Variants in ZNF257 observed in about 807,000 individuals in gnomAD.
ZNF257 encodes zinc finger protein 257.
Under a neutral mutation model 11.9 loss-of-function variants are expected in ZNF257, and 12 were observed. The ratio of observed to expected loss-of-function variants is 1.01; its 90% CI spans 0.65 to 1.63. The LOEUF is 1.63. ZNF257 is among the 40% of genes most tolerant of loss of function. The pLI, the probability that ZNF257 is intolerant of heterozygous loss-of-function variation, is 0.00. For synonymous variants in ZNF257, 183 were observed against 222.7 expected, an observed-to-expected ratio of 0.82 and a Z score of 1.59; for missense variants, 580 against 665.5, an observed-to-expected ratio of 0.87 and a Z score of 1.41.
At chr19:22,068,975 C>T (rs1308298811) in intron 1 of ZNF257, among the ~76,000 whole-genome samples, 6 of 151,888 alleles carry the variant, frequency 4.0e-5, no homozygotes, top group African/African-American at 1.2e-4. Flanking sequence ...GTCAGGCTGA[C>T]GAGTGGTTAA....
At position 22,090,491 on chromosome 19, in the gene ZNF257, C is replaced by T. The variant is rs756744302; in HGVS notation, c.*1049C>T. Reference sequence around the variant, plus strand: ...GAGCTCATACTAAAATATACTTTTGCAGATGCAATAAATACAAAGAAATAT... The same window carrying T: ...GAGCTCATACTAAAATATACTTTTGTAGATGCAATAAATACAAAGAAATAT... On this transcript the variant is annotated 3_prime_UTR_variant, in exon 4 of 4. Coordinates refer to ENST00000594947, the MANE Select transcript of ZNF257 (RefSeq NM_033468.4). The T allele has an allele frequency of 3.3e-5, 5 of 152,052 alleles. No individual in the cohort carries two copies. The highest frequency in any genetic ancestry group is 5.9e-5 in the Non-Finnish European group (4 of 67,976). The allele number at this position is 152,052 out of a possible 1,614,324, so 9.4% of individuals were successfully genotyped here.
At chr19:22,059,243 C>G (rs1371193225) in intron 1 of ZNF257, among the ~76,000 whole-genome samples, 2 of 152,106 alleles carry the variant, frequency 1.3e-5, no homozygotes, top group African/African-American at 4.8e-5. Flanking sequence ...TATATTGTCA[C>G]TGAGATACTA....
intron 1 of ZNF257, among the ~76,000 whole-genome samples, chr19:22,062,457 G>T (rs1486673025): frequency 7.4e-5 from 11 of 149,154 alleles, no homozygotes; most frequent in Non-Finnish European, 1.2e-4. Context: ...GTTTGTGAAG[G>T]ATATTGGCCT....
At chr19:22,074,479 G>A (rs907448990) in intron 3 of ZNF257, 2 of 152,054 alleles carry the variant, frequency 1.3e-5, no homozygotes, top group Admixed American at 1.3e-4. Context: ...AGCCTTTCAA[G>A]TAGCAGGGAT....
chr19:22,066,703 T>C (rs1289198065), intron 1 of ZNF257, among the ~76,000 whole-genome samples: 2 of 152,218 alleles, frequency 1.3e-5, no homozygotes, highest in African/African-American at 4.8e-5. Flanking sequence ...CATGAAGATG[T>C]GATAAGGTTT....
At chr19:22,084,798 C>T (rs1425254530) in intron 3 of ZNF257, among the ~76,000 whole-genome samples, 5 of 146,568 alleles carry the variant, frequency 3.4e-5, no homozygotes, top group African/African-American at 5.1e-5. Context: ...GTGGAGTGAT[C>T]TCGGCTAACT....
In ZNF257 at chr19:22,089,584, T is replaced by C; in HGVS notation, c.*142T>C. On this transcript the variant is annotated 3_prime_UTR_variant, in exon 4 of 4. Coordinates refer to ENST00000594947, the MANE Select transcript of ZNF257 (RefSeq NM_033468.4). ...CTGGCTTTTAACAAATCCTCAACAT[T>C]TACTAAGCATAAAATAATTCATGCT... 1 of 1,462,332 alleles carries C rather than the reference T, an allele frequency of 6.8e-7. No homozygotes were observed. The highest frequency in any genetic ancestry group is 9.0e-7 in the Non-Finnish European group (1 of 1,112,624). 90.6% of individuals were successfully genotyped at this position (1,462,332 alleles called of 1,614,324 possible). A position where few individuals can be genotyped will look rare whatever the true frequency, so the allele number is the denominator to read the frequency against.
chr19:22,054,075 C>CTT (rs747135550), intron 1 of ZNF257, among the ~76,000 whole-genome samples: 31 of 88,198 alleles, frequency 3.5e-4, no homozygotes, highest in Middle Eastern at 5.8e-3. Flanking sequence ...ATTTGTTTTT[C>CTT]TTTTTTTTTT....
At chr19:22,056,727 C>T (rs2021652958) in intron 1 of ZNF257, among the ~76,000 whole-genome samples, 1 of 152,130 alleles carries the variant, frequency 6.6e-6, no homozygotes, top group African/African-American at 2.4e-5. Context: ...ATCCGCCCAC[C>T]TCGGCCTCCC....
intron 3 of ZNF257, among the ~76,000 whole-genome samples, chr19:22,086,261 G>T (rs2022474388): frequency 6.6e-6 from 1 of 151,880 alleles, no homozygotes; most frequent in African/African-American, 2.4e-5. Context: ...ACCTCTAAAA[G>T]ATAAAGCAGT....
At chr19:22,058,747 A>G (rs989026754) in intron 1 of ZNF257, among the ~76,000 whole-genome samples, 4 of 152,184 alleles carry the variant, frequency 2.6e-5, no homozygotes, top group Non-Finnish European at 4.4e-5. Context: ...CTTAAAGGAA[A>G]GAAGCTCGGA....
chr19:22,064,010 T>G (rs1382965131), intron 1 of ZNF257: 1 of 152,232 alleles, frequency 6.6e-6, no homozygotes, highest in Non-Finnish European at 1.5e-5. Context: ...CTCTAAGAAC[T>G]TGCTTTATTC....
At chr19:22,074,196 C>T (rs2145704529) in intron 3 of ZNF257, among the ~76,000 whole-genome samples, 1 of 152,030 alleles carries the variant, frequency 6.6e-6, no homozygotes, top group Middle Eastern at 3.4e-3. Flanking sequence ...CTTATTGAAC[C>T]TATATTTATT....
chr19:22,052,665 G>A, intron 1 of ZNF257, 30 bp downstream of exon 1: 1 of 1,605,688 alleles, frequency 6.2e-7, no homozygotes, highest in Non-Finnish European at 8.5e-7. Context: ...CATCCTGGGA[G>A]AGGGGAAGGG....
chr19:22,052,822 C>T (rs1028878680), intron 1 of ZNF257, among the ~76,000 whole-genome samples, 187 bp downstream of exon 1: 1 of 152,094 alleles, frequency 6.6e-6, no homozygotes, highest in Non-Finnish European at 1.5e-5. Flanking sequence ...AGCCGGGACC[C>T]CGGGCGTCCT....
rs1225167474 is a variant in ZNF257 at position 22,088,972 on chromosome 19, G to C, written c.1222G>C (p.Ala408Pro). ...KAYKCDEYCK[A>P]FNWSSALTTL... is the part of the protein sequence containing the mutation. Reference sequence around the variant, plus strand: ...CTACAAATGTGATGAATATTGCAAAGCTTTTAACTGGTCCTCAGCTCTTAC... The same window carrying C: ...CTACAAATGTGATGAATATTGCAAACCTTTTAACTGGTCCTCAGCTCTTAC... The change falls in exon 4 of 4, where the codon GCT (alanine) becomes CCT (proline). Residue 408 changes from alanine to proline, a missense_variant. Transcript: ENST00000594947. The C allele has an allele frequency of 1.2e-6, 2 of 1,609,868 alleles. No individual in the cohort carries two copies. The highest frequency in any genetic ancestry group is 1.7e-6 in the Non-Finnish European group (2 of 1,179,046).
At chr19:22,060,047 C>G (rs938738436) in intron 1 of ZNF257, among the ~76,000 whole-genome samples, 1 of 152,162 alleles carries the variant, frequency 6.6e-6, no homozygotes, top group Non-Finnish European at 1.5e-5. Flanking sequence ...TTTTCTTTAT[C>G]CAGTCTACCA....
Position 22,089,037 on chromosome 19 carries a change from A to T in ZNF257, c.1287A>T (p.Lys429Asn). The T allele has an allele frequency of 6.2e-7, 1 of 1,613,578 alleles. No homozygotes were observed. Among genetic ancestry groups the T allele is most frequent in the South Asian group, 1.1e-5 (1 of 91,052 alleles). ...TQHKIIHTGE[K>N]PYKCEECGKA... Reference sequence around the variant, plus strand: ...ATAAGATAATTCATACTGGAGAGAAACCCTACAAATGTGAAGAGTGTGGCA... The same window carrying T: ...ATAAGATAATTCATACTGGAGAGAATCCCTACAAATGTGAAGAGTGTGGCA... Residue 429 changes from lysine to asparagine, a missense_variant, in exon 4 of 4, where the codon AAA becomes AAT. Lys to Asn is a moderately conservative substitution (Grantham distance 94). Transcript: ENST00000594947.
At position 22,088,272 on chromosome 19, in the gene ZNF257, A is replaced by T. The variant is rs376758187; in HGVS notation, c.522A>T (p.Lys174Asn). 2.5e-6 allele frequency: 4 copies of T among 1,613,660 alleles called. No homozygotes were observed. Among genetic ancestry groups the T allele is most frequent in the Non-Finnish European group, 3.4e-6 (4 of 1,179,784 alleles). Residue 174 changes from lysine (K) to asparagine (N), a missense_variant, in exon 4 of 4, where the codon AAA becomes AAT. Coordinates refer to ENST00000594947, the MANE Select transcript of ZNF257 (RefSeq NM_033468.4). ...GACATACTGAAAAGAAAACTTGCAA[A>T]TGTAAAGAATGTGGCAAATCATTTT... ...KIRHTEKKTC[K>N]CKECGKSFCM...
Sources: allele counts gnomAD v4.1 joint callset (sites outside exome capture counted in the v4.1 genomes callset), GRCh38; gene constraint gnomAD v4.1.1; transcripts MANE v1.5; gene names NCBI Gene and HGNC (gene_info 2026-07-23, HGNC 2026-07-21).